Variants in PDE8A observed in about 807,000 individuals in gnomAD.
PDE8A encodes the protein phosphodiesterase 8A, also known as high affinity cAMP-specific and IBMX-insensitive 3',5'-cyclic phosphodiesterase 8A.
Under a neutral mutation model 105.0 loss-of-function variants are expected in PDE8A, and 59 were observed. The observed-to-expected ratio is 0.56, with a 90% CI of 0.46 to 0.70. The LOEUF is 0.70. PDE8A is among the 30% of genes least tolerant of loss of function. The probability of loss-of-function intolerance (pLI) is 0.00; values close to 1 mark genes in which losing one functional copy is unlikely to be tolerated. For missense variants in PDE8A, 1,014 were observed against 1,045.9 expected, an observed-to-expected ratio of 0.97 and a Z score of 0.42; for synonymous variants, 355 against 371.9, an observed-to-expected ratio of 0.95 and a Z score of 0.52.
At chr15:85,050,022 G>A (rs2080947791) in intron 1 of PDE8A, among the ~76,000 whole-genome samples, 1 of 152,032 alleles carries the variant, frequency 6.6e-6, no homozygotes, top group Non-Finnish European at 1.5e-5. Flanking sequence ...GTGTGAGGTG[G>A]TGTCTCATTG....
In PDE8A at chr15:85,113,862, C is replaced by A; in HGVS notation, c.1186-11C>A. ...GTTATGAAACTCAAGTATTTTCTTT[C>A]CATAATGTAGGTAATCAATATTATC... On this transcript the variant is annotated splice_polypyrimidine_tract_variant and intron_variant, in intron 13 of 21. Coordinates refer to ENST00000394553, the MANE Select transcript of PDE8A (RefSeq NM_002605.3). 1.2e-6 allele frequency: 2 copies of A among 1,601,188 alleles called. No homozygotes were observed. The highest frequency in any genetic ancestry group is 1.7e-6 in the Non-Finnish European group (2 of 1,170,390).
At chr15:85,135,423 A>G (rs1176801569) in intron 20 of PDE8A, among the ~76,000 whole-genome samples, 2 of 152,112 alleles carry the variant, frequency 1.3e-5, no homozygotes, top group African/African-American at 2.4e-5. Context: ...GAGAAAGGCT[A>G]GTGTTCAATA....
At chr15:85,075,013 C>T (rs928885236) in intron 3 of PDE8A, among the ~76,000 whole-genome samples, 2 of 152,196 alleles carry the variant, frequency 1.3e-5, no homozygotes, top group African/African-American at 2.4e-5. Context: ...CTTTCTTCTC[C>T]AGTGGAGTTG....
At chr15:85,126,565 G>A (rs1455119424) in intron 20 of PDE8A, among the ~76,000 whole-genome samples, 191 bp downstream of exon 20, 1 of 150,872 alleles carries the variant, frequency 6.6e-6, no homozygotes, top group Admixed American at 6.6e-5. Context: ...CTTTATTCTT[G>A]CAGGATATTT....
chr15:85,134,097 G>T (rs986950931), intron 20 of PDE8A, among the ~76,000 whole-genome samples: 1 of 152,202 alleles, frequency 6.6e-6, no homozygotes, highest in African/African-American at 2.4e-5. Context: ...AGGAGGGAAC[G>T]GGGGCCCCTG....
At position 85,120,914 on chromosome 15, in the gene PDE8A, T is replaced by C; in HGVS notation, c.1852T>C (p.Leu618=). The change falls in exon 18 of 22, where the codon TTG becomes CTG. Residue 618 remains leucine (L), a synonymous_variant. Transcript: ENST00000394553. ...TAATGCTGGAAGTGAGCTGGCCATT[T>C]TGTACAATGACACTGCTGTGCTGGA... The part of the protein sequence containing the change: ...LCNAGSELAI[L]YNDTAVLESH... 1 of 1,614,148 alleles carries C rather than the reference T, an allele frequency of 6.2e-7. No individual in the cohort carries two copies. Among genetic ancestry groups the C allele is most frequent in the Non-Finnish European group, 8.5e-7 (1 of 1,179,970 alleles).
intron 3 of PDE8A, among the ~76,000 whole-genome samples, chr15:85,072,726 A>G (rs568825465): frequency 2.0e-5 from 3 of 152,072 alleles, no homozygotes; most frequent in Admixed American, 1.3e-4. Context: ...GATGTGTGAG[A>G]CAGATACTGT....
chr15:84,993,211 A>G (rs1287286093), intron 1 of PDE8A, among the ~76,000 whole-genome samples: 1 of 151,876 alleles, frequency 6.6e-6, no homozygotes, highest in Non-Finnish European at 1.5e-5. Flanking sequence ...TGGGAGGCCA[A>G]GGCGGGCGGA....
intron 7 of PDE8A, 116 bp from the exon 8 acceptor site, chr15:85,090,928 C>A: frequency 2.4e-6 from 2 of 827,586 alleles, no homozygotes; most frequent in Non-Finnish European, 1.9e-6. Context: ...GAGGTCCAGG[C>A]TCCTGAGCTT....
At chr15:85,093,725 T>G (rs1036334604) in intron 8 of PDE8A, among the ~76,000 whole-genome samples, 1 of 152,220 alleles carries the variant, frequency 6.6e-6, no homozygotes, top group Non-Finnish European at 1.5e-5. Context: ...TAGGCTTCTT[T>G]GCATCCTATA....
rs114435045 is a variant in PDE8A at position 85,133,664 on chromosome 15, C to G, written c.2254-2870C>G. 5.8e-3 allele frequency among the ~76,000 whole-genome samples: 886 copies of G among 152,230 alleles called. 7 individuals are homozygous for G. The highest frequency in any genetic ancestry group is 0.02 in the African/African-American group (851 of 41,520). On this transcript the variant is annotated intron_variant, in intron 20 of 21. Transcript: ENST00000394553. Reference sequence around the variant, plus strand: ...AAATGAGGACTTGGAGCTTCCTAGTCCCCCATATTACTGATGTTACTCCGG... The same window carrying G: ...AAATGAGGACTTGGAGCTTCCTAGTGCCCCATATTACTGATGTTACTCCGG...
chr15:85,067,214 A>T lies in PDE8A; in HGVS notation c.434+10A>T. ...CAGAGGCACTGTGCAGGTAAGCCCAAGACTCGGGCCTAAATAGTCCCATTG... is the reference window on the plus strand; with the variant it reads ...CAGAGGCACTGTGCAGGTAAGCCCATGACTCGGGCCTAAATAGTCCCATTG... On this transcript the variant is annotated intron_variant, in intron 3 of 21. Transcript: ENST00000394553. The T allele has an allele frequency of 6.2e-7, 1 of 1,607,274 alleles. No individual in the cohort carries two copies. Among genetic ancestry groups the T allele is most frequent in the South Asian group, 1.1e-5 (1 of 90,016 alleles).
chr15:84,984,617 G>A lies in PDE8A; in HGVS notation c.186+2269G>A, dbSNP rs544614921. Among the ~76,000 whole-genome samples the A allele has an allele frequency of 1.4e-4, 21 of 152,296 alleles. No individual in the cohort carries two copies. In the South Asian group the frequency reaches 1.9e-3, roughly 14 times the overall value. ...AATACCAGTTTATCAGTGTGGGTGG[G>A]AGATTGATAACTAATTGCATTTTTA... On this transcript the variant is annotated intron_variant, in intron 1 of 21. Transcript: ENST00000394553.
chr15:84,999,547 C>CTTT lies in PDE8A; in HGVS notation c.186+17203_186+17205dup, dbSNP rs1022977945. ...TGATGATGAATAAGACATGGCCTCC[C>CTTT]TTTTTTGTTGTTGTTGTTGTTGTTG... On this transcript the variant is annotated intron_variant, in intron 1 of 21. Transcript: ENST00000394553. Among the ~76,000 whole-genome samples the CTTT allele has an allele frequency of 4.2e-5, 5 of 120,436 alleles. No individual in the cohort carries two copies. The South Asian group carries it at 8.3e-4, about 20-fold the overall frequency. 79.0% of individuals were successfully genotyped at this position (120,436 alleles called of 152,430 possible).
At chr15:85,112,442 A>G (rs1473052835) in intron 12 of PDE8A, among the ~76,000 whole-genome samples, 1 of 152,224 alleles carries the variant, frequency 6.6e-6, no homozygotes, top group Non-Finnish European at 1.5e-5. Context: ...TCCTTTTATG[A>G]CAGTGATAAA....
chr15:85,075,531 T>G (rs981899772), intron 3 of PDE8A, among the ~76,000 whole-genome samples: 2 of 152,222 alleles, frequency 1.3e-5, no homozygotes, highest in African/African-American at 4.8e-5. Context: ...GACCAACGGC[T>G]TCTTTCATGT....
In PDE8A at chr15:85,089,250, C is replaced by CA. The variant is rs1294543830; in HGVS notation, c.636-82dup. 7 of 742,152 alleles carry CA rather than the reference C, an allele frequency of 9.4e-6. No individual in the cohort carries two copies. The South Asian group carries it at 1.0e-4, about 11-fold the overall frequency. 46.0% of individuals were successfully genotyped at this position (742,152 alleles called of 1,614,324 possible). ...TTTTCTCCCTTCCTTATAAATCGGA[C>CA]AAAAAATACATTTAAATAATGTAAT... On this transcript the variant is annotated intron_variant, in intron 6 of 21. Coordinates refer to ENST00000394553, the MANE Select transcript of PDE8A (RefSeq NM_002605.3).
At chr15:85,028,757 C>T (rs910883423) in intron 1 of PDE8A, among the ~76,000 whole-genome samples, 1 of 152,054 alleles carries the variant, frequency 6.6e-6, no homozygotes, top group Non-Finnish European at 1.5e-5. Flanking sequence ...CGACCCCTCC[C>T]GAGCACCTCC....
chr15:85,052,900 T>C (rs897129537), intron 1 of PDE8A, among the ~76,000 whole-genome samples: 13 of 152,268 alleles, frequency 8.5e-5, no homozygotes, highest in African/African-American at 2.9e-4. Context: ...TCCTTGCCCA[T>C]GCCTATGTCC....
Sources: gnomAD v4.1 joint callset for allele counts (sites outside exome capture counted in the v4.1 genomes callset) on GRCh38, gnomAD v4.1.1 for gene constraint, MANE v1.5 for transcripts, NCBI Gene and HGNC (gene_info 2026-07-23, HGNC 2026-07-21) for gene names.